DYNC2I1: variants seen among roughly 807,000 people sequenced by gnomAD.
DYNC2I1 encodes cytoplasmic dynein 2 intermediate chain 1.
DYNC2I1 carries 89 observed loss-of-function variants against 133.4 expected under a neutral mutation model. That is an observed-to-expected ratio of 0.67 (90% CI 0.56 to 0.80). DYNC2I1 has a LOEUF of 0.80. Ranked by LOEUF, DYNC2I1 falls within the 30% of genes least tolerant of loss-of-function variation. The probability of loss-of-function intolerance (pLI) is 0.00; values close to 1 mark genes in which losing one functional copy is unlikely to be tolerated. For missense variants in DYNC2I1, 1,291 were observed against 1,314.5 expected (o/e 0.98, Z 0.28); for synonymous variants, 504 against 484.3 (o/e 1.04, Z -0.54).
At position 158,871,337 on chromosome 7, in the gene DYNC2I1, C is replaced by G; in HGVS notation, c.265C>G (p.Gln89Glu). 1 of 1,556,094 alleles carries G rather than the reference C, an allele frequency of 6.4e-7. No individual in the cohort carries two copies. Among genetic ancestry groups the G allele is most frequent in the Non-Finnish European group, 8.7e-7 (1 of 1,149,372 alleles). ...SPRGERDRDR[Q>E]RERRRDAKDR... is the part of the protein sequence containing the mutation. Reference sequence around the variant, plus strand: ...TCGTGGGGAGAGGGACAGAGACAGACAGAGGGAGAGGAGAAGAGACGCAAA... The same window carrying G: ...TCGTGGGGAGAGGGACAGAGACAGAGAGAGGGAGAGGAGAAGAGACGCAAA... The change falls in exon 3 of 25, where the codon CAG (glutamine) becomes GAG (glutamate). Residue 89 changes from glutamine to glutamate, a missense_variant. Coordinates refer to ENST00000407559, the MANE Select transcript of DYNC2I1 (RefSeq NM_018051.5).
At position 158,926,343 on chromosome 7, in the gene DYNC2I1, G is replaced by C. The variant is rs1235957302; in HGVS notation, c.2371+43G>C. 2.5e-6 allele frequency: 4 copies of C among 1,600,758 alleles called. No individual in the cohort carries two copies. In the African/African-American group the frequency reaches 4.0e-5, roughly 16 times the overall value. ...TTCTTAAAATCCTTCATCAATGGTTGTGAAATATGGTTTCCTTATTTAAAG... is the reference window on the plus strand; with the variant it reads ...TTCTTAAAATCCTTCATCAATGGTTCTGAAATATGGTTTCCTTATTTAAAG... On this transcript the variant is annotated intron_variant, in intron 18 of 24. Transcript: ENST00000407559.
intron 21 of DYNC2I1, among the ~76,000 whole-genome samples, chr7:158,932,464 T>C (rs544225166): frequency 1.1e-4 from 16 of 151,894 alleles, no homozygotes; most frequent in Admixed American, 7.2e-4. Context: ...CTGTCTGCCG[T>C]GCTAAAGGGT....
chr7:158,943,308 A>G (rs534767830), intron 24 of DYNC2I1, among the ~76,000 whole-genome samples: 14 of 152,334 alleles, frequency 9.2e-5, no homozygotes, highest in African/African-American at 2.6e-4. Flanking sequence ...GTTACAGGAT[A>G]AACACATTTA....
In DYNC2I1 at chr7:158,912,945, T is replaced by C. The variant is rs889468919; in HGVS notation, c.1591-40T>C. On this transcript the variant is annotated intron_variant, in intron 12 of 24. Transcript: ENST00000407559. The stretch of plus-strand genomic sequence containing the variant: ...TCAGTAATGACAGATTGCTCCGAAA[T>C]TGAAACCAATGTTAATTTTGGCATA... 6 of 1,461,292 alleles carry C rather than the reference T, an allele frequency of 4.1e-6. No individual in the cohort carries two copies. The African/African-American group carries it at 8.4e-5, about 20-fold the overall frequency. 90.5% of individuals were successfully genotyped at this position (1,461,292 alleles called of 1,614,324 possible).
chr7:158,926,330 TTCA>T, intron 18 of DYNC2I1, 30 bp downstream of exon 18: 1 of 1,603,338 alleles, frequency 6.2e-7, no homozygotes, highest in Non-Finnish European at 8.5e-7. Context: ...CTTAAAATCC[TTCA>T]TCAATGGTTG....
intron 9 of DYNC2I1, 70 bp from the exon 10 acceptor site, chr7:158,902,306 T>C: frequency 7.9e-7 from 1 of 1,271,568 alleles, no homozygotes; most frequent in Non-Finnish European, 1.1e-6. Context: ...TGTCATGTTT[T>C]GTTCAGTATG....
chr7:158,943,178 C>T (rs1851544015), intron 24 of DYNC2I1, among the ~76,000 whole-genome samples: 1 of 152,132 alleles, frequency 6.6e-6, no homozygotes, highest in South Asian at 2.1e-4. Context: ...TAGTTTGATT[C>T]CTAGGTTTAC....
At chr7:158,881,667 A>C (rs541016764) in intron 5 of DYNC2I1, among the ~76,000 whole-genome samples, 1 of 151,980 alleles carries the variant, frequency 6.6e-6, no homozygotes, top group East Asian at 1.9e-4. Flanking sequence ...GTTAGCCAGG[A>C]TGGTCTCAAT....
chr7:158,936,080 A>G (rs896711672), intron 23 of DYNC2I1, among the ~76,000 whole-genome samples: 6 of 152,104 alleles, frequency 3.9e-5, no homozygotes, highest in African/African-American at 1.4e-4. Flanking sequence ...AATCCCAGCT[A>G]CTTGGGAGGC....
chr7:158,864,012 A>C (rs1584948166), intron 1 of DYNC2I1, among the ~76,000 whole-genome samples: 1 of 69,616 alleles, frequency 1.4e-5, no homozygotes, highest in Non-Finnish European at 2.7e-5. Flanking sequence ...TGTGGGGGAG[A>C]GCGGGACGTC....
chr7:158,857,370 A>C (rs1375214992), intron 1 of DYNC2I1, among the ~76,000 whole-genome samples: 2 of 152,136 alleles, frequency 1.3e-5, no homozygotes, highest in African/African-American at 2.4e-5. Flanking sequence ...TAAATGTTAG[A>C]TATTACTGTA....
rs147547199 is a variant in DYNC2I1, at chr7:158,871,786, G to A, written c.490+224G>A. On this transcript the variant is annotated intron_variant, in intron 3 of 24. Coordinates refer to ENST00000407559, the MANE Select transcript of DYNC2I1 (RefSeq NM_018051.5). ...CCTGGGCTCAAGGGATCCTCCCACCGCAGCCTCCCAAAGGACTGGCATTAC... is the reference window on the plus strand; with the variant it reads ...CCTGGGCTCAAGGGATCCTCCCACCACAGCCTCCCAAAGGACTGGCATTAC... 3.7e-3 allele frequency among the ~76,000 whole-genome samples: 560 copies of A among 152,114 alleles called. 4 individuals are homozygous for A. Among genetic ancestry groups the A allele is most frequent in the African/African-American group, 0.013 (534 of 41,486 alleles).
chr7:158,930,007 C>T (rs550311755), intron 20 of DYNC2I1, among the ~76,000 whole-genome samples: 5 of 152,200 alleles, frequency 3.3e-5, no homozygotes, highest in South Asian at 4.2e-4. Context: ...GCATTCTGCC[C>T]GGAGACCAGC....
intron 1 of DYNC2I1, among the ~76,000 whole-genome samples, chr7:158,857,537 TTTG>T (rs1315425443): frequency 3.3e-4 from 45 of 137,528 alleles, no homozygotes; most frequent in African/African-American, 7.6e-4. Context: ...ACCTTAGGTT[TTTG>T]TTTTTTTTTT....
At chr7:158,947,805 T>C (rs1585273050), downstream of DYNC2I1, among the ~76,000 whole-genome samples, 2 of 152,180 alleles carry the variant, frequency 1.3e-5, no homozygotes, top group African/African-American at 4.8e-5. Context: ...GGCCCAGCTC[T>C]CCCCAGCTGC....
chr7:158,919,877 C>T (rs937773784), intron 15 of DYNC2I1, among the ~76,000 whole-genome samples: 23 of 146,048 alleles, frequency 1.6e-4, no homozygotes, highest in East Asian at 2.5e-4. Flanking sequence ...ACCGAGTGTG[C>T]GCCGCCCCCA....
intron 8 of DYNC2I1, among the ~76,000 whole-genome samples, chr7:158,900,049 C>T (rs1198489399): frequency 2.0e-5 from 3 of 151,224 alleles, no homozygotes; most frequent in Non-Finnish European, 4.4e-5. Context: ...ATTTTTCTCT[C>T]AGTACTTTAA....
At chr7:158,909,852 G>T (rs527683133) in intron 11 of DYNC2I1, among the ~76,000 whole-genome samples, 2 of 152,164 alleles carry the variant, frequency 1.3e-5, no homozygotes, top group African/African-American at 4.8e-5. Context: ...AGAGCCTTCC[G>T]GTGGGAGAAT....
chr7:158,876,894 A>G (rs1422895305), intron 4 of DYNC2I1, among the ~76,000 whole-genome samples: 1 of 152,206 alleles, frequency 6.6e-6, no homozygotes, highest in African/African-American at 2.4e-5. Flanking sequence ...GTATGTGATG[A>G]TATTAGAAAA....
Sources: gnomAD v4.1 joint callset for allele counts (sites outside exome capture counted in the v4.1 genomes callset) on GRCh38, gnomAD v4.1.1 for gene constraint, MANE v1.5 for transcripts, NCBI Gene and HGNC (gene_info 2026-07-23, HGNC 2026-07-21) for gene names.